Variants in B3GALT1 observed in about 807,000 individuals in gnomAD.
B3GALT1 encodes the protein UDP-Gal:betaGlcNAc beta 1,3-galactosyltransferase, polypeptide 1.
Under a neutral mutation model 23.2 loss-of-function variants are expected in B3GALT1, and 10 were observed. That is an observed-to-expected ratio of 0.43 (90% CI 0.27 to 0.73). The LOEUF is 0.73. B3GALT1 is among the 30% of genes least tolerant of loss of function. B3GALT1 has a pLI of 0.21. For synonymous variants in B3GALT1, 156 were observed against 141.5 expected (o/e 1.10, Z -0.73); for missense variants, 299 against 405.4 (o/e 0.74, Z 2.25).
intron 3 of B3GALT1, among the ~76,000 whole-genome samples, chr2:167,657,385 G>A (rs1685973912): frequency 6.6e-6 from 1 of 152,030 alleles, no homozygotes; most frequent in Admixed American, 6.6e-5. Flanking sequence ...CCATTCAAGG[G>A]GTGTGCTGGG....
intron 3 of B3GALT1, among the ~76,000 whole-genome samples, chr2:167,684,904 G>T (rs1686591730): frequency 6.6e-6 from 1 of 151,894 alleles, no homozygotes; most frequent in Admixed American, 6.6e-5. Flanking sequence ...AGCCACCTGG[G>T]GCTCGTGAAA....
At chr2:167,561,455 C>G (rs555622900) in intron 2 of B3GALT1, among the ~76,000 whole-genome samples, 120 of 152,058 alleles carry the variant, frequency 7.9e-4, no homozygotes, top group African/African-American at 2.8e-3. Context: ...TAACTAAAAT[C>G]AGAGCAGAAC....
chr2:167,339,859 C>CA (rs1020710845), intron 1 of B3GALT1, among the ~76,000 whole-genome samples: 26 of 152,244 alleles, frequency 1.7e-4, no homozygotes, highest in African/African-American at 5.8e-4. Flanking sequence ...GGCAGTTACT[C>CA]AATCTCCACA....
intron 2 of B3GALT1, among the ~76,000 whole-genome samples, chr2:167,559,245 G>A (rs542621287): frequency 3.9e-5 from 6 of 152,114 alleles, no homozygotes; most frequent in Non-Finnish European, 7.3e-5. Flanking sequence ...CTGCAGCTGA[G>A]GGTCCTGTCT....
chr2:167,686,599 A>G (rs899206622), intron 3 of B3GALT1, among the ~76,000 whole-genome samples: 4 of 152,210 alleles, frequency 2.6e-5, no homozygotes, highest in Non-Finnish European at 4.4e-5. Context: ...GAAAAGAACA[A>G]CATTTTAGTA....
chr2:167,377,987 C>G (rs1205068550), intron 1 of B3GALT1, among the ~76,000 whole-genome samples: 1 of 152,110 alleles, frequency 6.6e-6, no homozygotes, highest in East Asian at 1.9e-4. Flanking sequence ...TTAAAACTCC[C>G]TTAGGCATCC....
intron 1 of B3GALT1, among the ~76,000 whole-genome samples, chr2:167,404,816 C>G (rs955103249): frequency 2.6e-5 from 4 of 152,120 alleles, no homozygotes; most frequent in African/African-American, 9.7e-5. Context: ...GCACTCTGTG[C>G]GTGTATTCCT....
intron 4 of B3GALT1, among the ~76,000 whole-genome samples, chr2:167,832,001 G>C (rs1689364030): frequency 6.6e-6 from 1 of 152,198 alleles, no homozygotes; most frequent in Non-Finnish European, 1.5e-5. Context: ...TCAACAGACA[G>C]TAGCCATATA....
At chr2:167,663,257 A>G (rs1345677143) in intron 3 of B3GALT1, among the ~76,000 whole-genome samples, 3 of 151,504 alleles carry the variant, frequency 2.0e-5, no homozygotes, top group Non-Finnish European at 4.4e-5. Flanking sequence ...ATGATTTCCA[A>G]TTTCATCCAT....
chr2:167,721,092 T>C (rs943538599), intron 3 of B3GALT1, among the ~76,000 whole-genome samples: 6 of 152,156 alleles, frequency 3.9e-5, no homozygotes, highest in Non-Finnish European at 7.3e-5. Flanking sequence ...TCTCTCTCAC[T>C]CTTTCTCTTC....
chr2:167,298,920 A>T (rs1428866932), intron 1 of B3GALT1, among the ~76,000 whole-genome samples: 1 of 152,116 alleles, frequency 6.6e-6, no homozygotes, highest in Non-Finnish European at 1.5e-5. Flanking sequence ...GATAACTTGC[A>T]TGGATAATGA....
chr2:167,514,143 G>A (rs1004204525), intron 2 of B3GALT1, among the ~76,000 whole-genome samples: 3 of 152,228 alleles, frequency 2.0e-5, no homozygotes, highest in South Asian at 2.1e-4. Context: ...TCCTGACCTC[G>A]TGATCTGCCC....
intron 3 of B3GALT1, chr2:167,715,640 T>C: frequency 6.2e-7 from 1 of 1,613,904 alleles, no homozygotes; most frequent in Non-Finnish European, 8.5e-7. Context: ...GATTTCATCC[T>C]CAAGTTCAGA....
intron 1 of B3GALT1, among the ~76,000 whole-genome samples, chr2:167,338,488 T>G (rs1191938286): frequency 7.1e-6 from 1 of 140,588 alleles, no homozygotes; most frequent in African/African-American, 2.6e-5. Flanking sequence ...AATTAGACAT[T>G]CAGAAAAGAA....
Position 167,525,520 on chromosome 2 carries a change from T to A in B3GALT1, c.-410+35243T>A, listed in dbSNP as rs184151646. Among the ~76,000 whole-genome samples, 216 of 152,266 alleles carry A rather than the reference T, an allele frequency of 1.4e-3. 1 individual carries two copies. Among genetic ancestry groups the A allele is most frequent in the African/African-American group, 5.1e-3 (211 of 41,580 alleles). ...ATTCAGTCATTTATTTATATTGCTA[T>A]GGACTTACGTATATTATATAACTTT... is the stretch of plus-strand genomic sequence containing the variant. On this transcript the variant is annotated intron_variant, in intron 2 of 4. Coordinates refer to ENST00000392690, the MANE Select transcript of B3GALT1 (RefSeq NM_020981.4).
intron 1 of B3GALT1, among the ~76,000 whole-genome samples, chr2:167,430,619 T>A (rs1698692213): frequency 1.6e-5 from 1 of 62,576 alleles, no homozygotes; most frequent in Non-Finnish European, 4.7e-5. Flanking sequence ...GGATTCCATG[T>A]TGGATGTCAG....
chr2:167,502,036 C>T (rs979448207), intron 2 of B3GALT1, among the ~76,000 whole-genome samples: 12 of 151,832 alleles, frequency 7.9e-5, no homozygotes, highest in Non-Finnish European at 1.3e-4. Context: ...ATAATGGAAA[C>T]GAAAAATAAA....
chr2:167,296,050 T>C (rs552151812), intron 1 of B3GALT1, among the ~76,000 whole-genome samples: 89 of 152,314 alleles, frequency 5.8e-4, no homozygotes, highest in Non-Finnish European at 1.1e-3. Flanking sequence ...TCTGCGAATG[T>C]ACTTAAGCTT....
At chr2:167,449,389 T>C (rs1052409460) in intron 1 of B3GALT1, among the ~76,000 whole-genome samples, 2 of 152,180 alleles carry the variant, frequency 1.3e-5, no homozygotes, top group African/African-American at 4.8e-5. Context: ...TCTTGATTTC[T>C]CAGCTTGGTC....
Sources: allele counts gnomAD v4.1 joint callset (sites outside exome capture counted in the v4.1 genomes callset), GRCh38; gene constraint gnomAD v4.1.1; transcripts MANE v1.5; gene names NCBI Gene and HGNC (gene_info 2026-07-23, HGNC 2026-07-21).